Variants in POLR1A observed in about 807,000 individuals in gnomAD.
POLR1A encodes RNA polymerase I subunit A.
In POLR1A, 84 loss-of-function variants were observed where a neutral mutation model predicts 205.3. The observed-to-expected ratio is 0.41, with a 90% CI of 0.34 to 0.49. POLR1A has a LOEUF of 0.49. POLR1A is among the 20% of genes least tolerant of loss of function. The pLI, the probability that POLR1A is intolerant of heterozygous loss-of-function variation, is 0.22. For missense variants in POLR1A, 1,645 were observed against 2,204.5 expected (o/e 0.75, Z 5.08); for synonymous variants, 799 against 863.7 (o/e 0.93, Z 1.31).
At chr2:86,044,405 C>T (rs547351992) in intron 21 of POLR1A, 101 bp from the exon 22 acceptor site, 3 of 1,292,814 alleles carry the variant, frequency 2.3e-6, no homozygotes, top group African/African-American at 1.5e-5. Flanking sequence ...AAGGGGGGCT[C>T]CTGTTCTGCA....
At chr2:86,044,366 T>C (rs1344999868) in intron 21 of POLR1A, 62 bp from the exon 22 acceptor site, 1 of 1,587,454 alleles carries the variant, frequency 6.3e-7, no homozygotes, top group African/African-American at 1.3e-5. Flanking sequence ...CAGCCTCTGA[T>C]GAGGGTTGGG....
At chr2:86,082,256 T>C (rs1673417831) in intron 7 of POLR1A, among the ~76,000 whole-genome samples, 1 of 152,150 alleles carries the variant, frequency 6.6e-6, no homozygotes, top group Admixed American at 6.5e-5. Context: ...GGGACTGAGA[T>C]GGGCAAGGAT....
At chr2:86,037,530 T>C (rs959468873) in intron 27 of POLR1A, among the ~76,000 whole-genome samples, 1 of 152,258 alleles carries the variant, frequency 6.6e-6, no homozygotes, top group Non-Finnish European at 1.5e-5. Flanking sequence ...CGAATGGGCA[T>C]GGCTCAGTAT....
intron 2 of POLR1A, among the ~76,000 whole-genome samples, chr2:86,099,634 T>C (rs1023237520): frequency 1.3e-5 from 2 of 152,080 alleles, no homozygotes; most frequent in Admixed American, 6.6e-5. Flanking sequence ...GTTCTCTCTA[T>C]TACCAGGCAG....
Position 86,048,885 on chromosome 2 carries a change from T to C in POLR1A, c.2633A>G (p.Lys878Arg). Residue 878 changes from lysine to arginine, a missense_variant and splice_region_variant, in exon 18 of 34, where the codon AAG becomes AGG. Lys to Arg is a conservative substitution (Grantham distance 26). Around this residue, in one of 16 missense-constraint regions of POLR1A, gnomAD observed 339 missense variants for 415.1 expected, o/e 0.82. Transcript: ENST00000263857. Reference sequence around the variant, plus strand: ...AAATGCATGCAATGCTGGGCTAACCTTGTTAATCTCATTGCTGTAATGGTT... The same window carrying C: ...AAATGCATGCAATGCTGGGCTAACCCTGTTAATCTCATTGCTGTAATGGTT... ...EVNHYSNEINKACMPFGLHRQ... is the reference protein window; with the variant it reads ...EVNHYSNEINRACMPFGLHRQ... 14 of 1,613,414 alleles carry C rather than the reference T, an allele frequency of 8.7e-6. No individual in the cohort carries two copies. Among genetic ancestry groups the C allele is most frequent in the Non-Finnish European group, 1.2e-5 (14 of 1,179,286 alleles).
intron 3 of POLR1A, among the ~76,000 whole-genome samples, chr2:86,091,794 AGCTCT>A (rs1317818772): frequency 1.3e-5 from 2 of 152,096 alleles, no homozygotes; most frequent in Non-Finnish European, 2.9e-5. Flanking sequence ...TTAACTTTTT[AGCTCT>A]GTTCCCTCAT....
intron 6 of POLR1A, among the ~76,000 whole-genome samples, chr2:86,087,168 T>C (rs1673517063): frequency 2.0e-5 from 3 of 152,212 alleles, no homozygotes; most frequent in Admixed American, 6.5e-5. Context: ...AAGTAAACAG[T>C]ATTAAGGAAT....
intron 16 of POLR1A, among the ~76,000 whole-genome samples, chr2:86,050,896 A>G (rs768437394): frequency 6.6e-6 from 1 of 152,222 alleles, no homozygotes; most frequent in Non-Finnish European, 1.5e-5. Context: ...CCTTGAGCCC[A>G]GAAGTGGCTC....
At chr2:86,101,839 A>AT (rs1673827864) in intron 1 of POLR1A, among the ~76,000 whole-genome samples, 1 of 152,070 alleles carries the variant, frequency 6.6e-6, no homozygotes, top group Non-Finnish European at 1.5e-5. Flanking sequence ...TTCTGTTTTG[A>AT]TTAATCTGAC....
At chr2:86,084,416 C>CAA (rs112508210) in intron 6 of POLR1A, among the ~76,000 whole-genome samples, 3 of 138,854 alleles carry the variant, frequency 2.2e-5, no homozygotes, top group Non-Finnish European at 4.7e-5. Flanking sequence ...GACCCTGTCT[C>CAA]AAAAAAAAAA....
At chr2:86,050,066 C>T (rs1194337014) in intron 16 of POLR1A, among the ~76,000 whole-genome samples, 5 of 152,050 alleles carry the variant, frequency 3.3e-5, no homozygotes, top group African/African-American at 7.2e-5. Flanking sequence ...TACAGGTGCA[C>T]GCCACCACAC....
In POLR1A at chr2:86,070,761, G is replaced by T. The variant is rs564981802; in HGVS notation, c.1612-489C>A. 1.6e-4 allele frequency among the ~76,000 whole-genome samples: 23 copies of T among 147,250 alleles called. No individual in the cohort carries two copies. The East Asian group carries it at 1.6e-3, about 10-fold the overall frequency. ...ACAGAAATTCTACATTTCACAAAAAGTTTGCCCAGCTTCATATAGCAGAGC... is the reference window on the plus strand; with the variant it reads ...ACAGAAATTCTACATTTCACAAAAATTTTGCCCAGCTTCATATAGCAGAGC... On this transcript the variant is annotated intron_variant, in intron 12 of 33. Transcript: ENST00000263857. The surrounding 1 kb of genome is among the most constrained non-coding windows in gnomAD (Gnocchi z 4.4).
At position 86,038,693 on chromosome 2, in the gene POLR1A, C is replaced by A; in HGVS notation, c.4034+7G>T. 1 of 1,612,844 alleles carries A rather than the reference C, an allele frequency of 6.2e-7. No individual in the cohort carries two copies. The highest frequency in any genetic ancestry group is 8.5e-7 in the Non-Finnish European group (1 of 1,179,790). On this transcript the variant is annotated splice_region_variant and intron_variant, in intron 27 of 33. Transcript: ENST00000263857. ...AGGTCAATGACAATCACAGCCTGAG[C>A]CCTGACCTTGTTTCCATGAAGCGCA...
chr2:86,063,203 C>T (rs1443938396), intron 14 of POLR1A, among the ~76,000 whole-genome samples: 2 of 151,516 alleles, frequency 1.3e-5, no homozygotes, highest in African/African-American at 2.4e-5. Flanking sequence ...GGCATGGTGG[C>T]GCATGCTTGT....
chr2:86,092,281 C>A (rs1673620406), intron 3 of POLR1A, among the ~76,000 whole-genome samples: 1 of 152,174 alleles, frequency 6.6e-6, no homozygotes, highest in Non-Finnish European at 1.5e-5. Flanking sequence ...ATCCTACGGT[C>A]CCTGGAAGCA....
At chr2:86,069,947 G>C in intron 13 of POLR1A, 71 bp downstream of exon 13, 1 of 1,521,440 alleles carries the variant, frequency 6.6e-7, no homozygotes, top group Non-Finnish European at 8.8e-7. Flanking sequence ...CCCAGGGGCT[G>C]GCAGGGCCCA....
intron 6 of POLR1A, 59 bp downstream of exon 6, chr2:86,088,507 G>C: frequency 4.7e-6 from 5 of 1,064,238 alleles, no homozygotes; most frequent in Non-Finnish European, 7.2e-6. Flanking sequence ...GTATTCCCAG[G>C]GTTTAGGACA....
At chr2:86,080,695 T>G (rs1240307039) in intron 9 of POLR1A, 121 bp downstream of exon 9, 1 of 933,470 alleles carries the variant, frequency 1.1e-6, no homozygotes, top group Non-Finnish European at 1.6e-6. Context: ...ACACTAAGGC[T>G]GCTGCCAGCT....
intron 28 of POLR1A, 102 bp from the exon 29 acceptor site, chr2:86,032,484 C>G (rs1672416687): frequency 2.5e-6 from 2 of 806,330 alleles, no homozygotes; most frequent in Non-Finnish European, 4.2e-6. Flanking sequence ...CATGCCCCAC[C>G]CTTCTAACCC....
Sources: gnomAD v4.1 joint callset for allele counts (sites outside exome capture counted in the v4.1 genomes callset) on GRCh38, gnomAD v4.1.1 for gene constraint, gnomAD v4.1.1 regional missense constraint, Gnocchi (gnomAD v3.1) non-coding constraint, MANE v1.5 for transcripts, NCBI Gene and HGNC (gene_info 2026-07-23, HGNC 2026-07-21) for gene names.